SBNO1: variants seen among roughly 807,000 people sequenced by gnomAD.
SBNO1 encodes the protein strawberry notch homolog 1, also known as protein strawberry notch homolog 1.
In SBNO1, 23 loss-of-function variants were observed where a neutral mutation model predicts 173.6. That is an observed-to-expected ratio of 0.13 (90% CI 0.10 to 0.19). SBNO1 has a LOEUF of 0.19. SBNO1 is among the 10% of genes least tolerant of loss of function. The probability of loss-of-function intolerance (pLI) is 1.00; values close to 1 mark genes in which losing one functional copy is unlikely to be tolerated. For synonymous variants in SBNO1, 632 were observed against 571.5 expected (o/e 1.11, Z -1.51); for missense variants, 1,238 against 1,671.2 (o/e 0.74, Z 4.52).
rs143013489 is a variant in SBNO1, at chr12:123,294,634, C to CAAAAAAAAAAAAAAAAA, written c.*1257_*1273dup. 205 of 60,050 alleles carry CAAAAAAAAAAAAAAAAA rather than the reference C, an allele frequency of 3.4e-3. 3 individuals are homozygous for CAAAAAAAAAAAAAAAAA. The highest frequency in any genetic ancestry group is 4.0e-3 in the Non-Finnish European group (149 of 36,920). The allele number at this position is 60,050 out of a possible 1,614,324, so 3.7% of individuals were successfully genotyped here. On this transcript the variant is annotated 3_prime_UTR_variant, in exon 32 of 32. Transcript: ENST00000602398. The stretch of plus-strand genomic sequence containing the variant: ...TTTTCAATAGTGCAACCTGTGGAAG[C>CAAAAAAAAAAAAAAAAA]AAAAAAAAAAAAAAAAAAAAAAAAA...
chr12:123,305,343 G>A (rs1189817183), intron 28 of SBNO1, among the ~76,000 whole-genome samples: 1 of 152,124 alleles, frequency 6.6e-6, no homozygotes, highest in African/African-American at 2.4e-5. Flanking sequence ...ACATGATAAA[G>A]TGTTCTGTAA....
At chr12:123,332,534 C>T (rs7137243) in intron 7 of SBNO1, among the ~76,000 whole-genome samples, 144,534 of 151,750 alleles carry the variant, frequency 0.95, 68,952 homozygotes, top group Non-Finnish European at 0.96. Flanking sequence ...TCAGGTGATC[C>T]GCCAGCTTCA....
At chr12:123,323,867 T>C (rs1272152683) in intron 15 of SBNO1, 36 bp from the exon 16 acceptor site, 9 of 1,502,836 alleles carry the variant, frequency 6.0e-6, no homozygotes, top group Non-Finnish European at 8.0e-6. Flanking sequence ...ACTGCTTCAG[T>C]TGACAAAATA....
intron 19 of SBNO1, among the ~76,000 whole-genome samples, 182 bp from the exon 20 acceptor site, chr12:123,320,213 A>G (rs1869791278): frequency 6.6e-6 from 1 of 152,218 alleles, no homozygotes; most frequent in Admixed American, 6.6e-5. Context: ...CACGATCACA[A>G]AAGATGCGTG....
At position 123,364,683 on chromosome 12, in the gene SBNO1, G is replaced by A. The variant is rs1384612496; in HGVS notation, c.-1+18C>T. On this transcript the variant is annotated intron_variant, in intron 1 of 31. Coordinates refer to ENST00000602398, the MANE Select transcript of SBNO1 (RefSeq NM_001167856.3). ...AGGGGGAGTGTGGAAGGAGAAAAGGGCCAAGGGAAGGACTTACTTTCCCCG... is the reference window on the plus strand; with the variant it reads ...AGGGGGAGTGTGGAAGGAGAAAAGGACCAAGGGAAGGACTTACTTTCCCCG... 5 of 983,700 alleles carry A rather than the reference G, an allele frequency of 5.1e-6. No individual in the cohort carries two copies. The highest frequency in any genetic ancestry group is 6.0e-6 in the Non-Finnish European group (5 of 828,826). 60.9% of individuals were successfully genotyped at this position (983,700 alleles called of 1,614,324 possible). A position where few individuals can be genotyped will look rare whatever the true frequency, so the allele number is the denominator to read the frequency against.
At position 123,364,035 on chromosome 12, in the gene SBNO1, C is replaced by T. The variant is rs1875757090; in HGVS notation, c.-1+666G>A. 3.0e-6 allele frequency: 3 copies of T among 985,550 alleles called. 1 individual carries two copies. The highest frequency in any genetic ancestry group is 2.3e-4 in the East Asian group (2 of 8,818). The allele number at this position is 985,550 out of a possible 1,614,324, so 61.1% of individuals were successfully genotyped here. A position where few individuals can be genotyped will look rare whatever the true frequency, so the allele number is the denominator to read the frequency against. ...AAGCAAATCCCCAACTGCCGTTCCC[C>T]TCCATGGGTAATTCTTAGGGTCTGG... On this transcript the variant is annotated intron_variant, in intron 1 of 31. Transcript: ENST00000602398.
At chr12:123,327,866 A>G (rs889208345) in intron 11 of SBNO1, 26 bp downstream of exon 11, 3 of 1,579,696 alleles carry the variant, frequency 1.9e-6, no homozygotes, top group Non-Finnish European at 2.6e-6. Flanking sequence ...CCTACAATAT[A>G]TATTTTTAAA....
intron 24 of SBNO1, among the ~76,000 whole-genome samples, chr12:123,313,289 A>T (rs1868845908): frequency 6.7e-6 from 1 of 150,204 alleles, no homozygotes; most frequent in South Asian, 2.1e-4. Context: ...AAAAAAATAA[A>T]ATAAATAAAT....
chr12:123,357,212 C>T lies in SBNO1; in HGVS notation c.1-6771G>A, dbSNP rs1050558438. On this transcript the variant is annotated intron_variant, in intron 1 of 31. Transcript: ENST00000602398. ...CTGTAATTCCAGCACTCTGGGAGGC[C>T]GAGGCAGGCAGATCACTTGAGGTCA... Among the ~76,000 whole-genome samples, 7 of 149,320 alleles carry T rather than the reference C, an allele frequency of 4.7e-5. No homozygotes were observed. The East Asian group carries it at 1.0e-3, about 21-fold the overall frequency.
At chr12:123,305,235 G>C (rs1277159842) in intron 28 of SBNO1, among the ~76,000 whole-genome samples, 2 of 152,196 alleles carry the variant, frequency 1.3e-5, no homozygotes, top group African/African-American at 4.8e-5. Flanking sequence ...GCCCCTCCAA[G>C]ATAAGGCCTT....
At chr12:123,336,810 C>T (rs550974084) in intron 5 of SBNO1, among the ~76,000 whole-genome samples, 2 of 152,298 alleles carry the variant, frequency 1.3e-5, no homozygotes, top group South Asian at 4.1e-4. Flanking sequence ...AGAACTCTCT[C>T]TGCACTCAGA....
intron 24 of SBNO1, 59 bp from the exon 25 acceptor site, chr12:123,311,188 C>T (rs1044447216): frequency 3.2e-6 from 4 of 1,240,976 alleles, no homozygotes; most frequent in South Asian, 1.2e-5. Flanking sequence ...CAATGTACCA[C>T]TAAGTGAGAA....
chr12:123,320,631 A>G (rs1381779081), intron 18 of SBNO1, 24 bp from the exon 19 acceptor site: 2 of 1,600,672 alleles, frequency 1.2e-6, no homozygotes, highest in Admixed American at 3.5e-5. Flanking sequence ...ATTTGCTAAA[A>G]GTTAGTACAA....
At chr12:123,347,862 C>T (rs979198569) in intron 3 of SBNO1, among the ~76,000 whole-genome samples, 167 bp downstream of exon 3, 2 of 152,188 alleles carry the variant, frequency 1.3e-5, no homozygotes, top group South Asian at 2.1e-4. Flanking sequence ...AGATGGGGTC[C>T]TGCCATTTTG....
Position 123,321,745 on chromosome 12 carries a change from A to G in SBNO1, c.2126-13T>C, listed in dbSNP as rs903502133. On this transcript the variant is annotated splice_polypyrimidine_tract_variant and intron_variant, in intron 16 of 31. Transcript: ENST00000602398. Reference sequence around the variant, plus strand: ...GTTATTTCTTCACCTACCCTCCGCCACAAACAAGAGAGTCAGCCCAAATTC... The same window carrying G: ...GTTATTTCTTCACCTACCCTCCGCCGCAAACAAGAGAGTCAGCCCAAATTC... The G allele has an allele frequency of 1.2e-6, 2 of 1,611,868 alleles. No homozygotes were observed. Among genetic ancestry groups the G allele is most frequent in the Admixed American group, 1.7e-5 (1 of 59,924 alleles).
chr12:123,340,778 G>T (rs1455302056), intron 5 of SBNO1, among the ~76,000 whole-genome samples: 3 of 151,980 alleles, frequency 2.0e-5, no homozygotes, highest in African/African-American at 7.3e-5. Flanking sequence ...GCATGTTAGT[G>T]CCACACTCCA....
At chr12:123,353,963 T>C (rs1324782182) in intron 1 of SBNO1, among the ~76,000 whole-genome samples, 5 of 152,214 alleles carry the variant, frequency 3.3e-5, no homozygotes, top group Non-Finnish European at 7.3e-5. Context: ...GTCCATGAGC[T>C]ATACACCAAG....
rs1044604061 is a variant in SBNO1, at chr12:123,364,046, A to G, written c.-1+655T>C. The G allele has an allele frequency of 2.3e-5, 23 of 985,286 alleles. No homozygotes were observed. The African/African-American group carries it at 3.3e-4, about 14-fold the overall frequency. 61.0% of individuals were successfully genotyped at this position (985,286 alleles called of 1,614,324 possible). On this transcript the variant is annotated intron_variant, in intron 1 of 31. Coordinates refer to ENST00000602398, the MANE Select transcript of SBNO1 (RefSeq NM_001167856.3). ...CAACTGCCGTTCCCCTCCATGGGTAATTCTTAGGGTCTGGGAGGTGAGCTC... is the reference window on the plus strand; with the variant it reads ...CAACTGCCGTTCCCCTCCATGGGTAGTTCTTAGGGTCTGGGAGGTGAGCTC...
At chr12:123,349,526 A>G (rs1566052713) in intron 2 of SBNO1, among the ~76,000 whole-genome samples, 1 of 152,192 alleles carries the variant, frequency 6.6e-6, no homozygotes, top group East Asian at 1.9e-4. Context: ...CATCTCTTAC[A>G]CTATCTATAC....
Sources: gnomAD v4.1 joint callset for allele counts (sites outside exome capture counted in the v4.1 genomes callset) on GRCh38, gnomAD v4.1.1 for gene constraint, MANE v1.5 for transcripts, NCBI Gene and HGNC (gene_info 2026-07-23, HGNC 2026-07-21) for gene names.